CMTM4: variants seen among roughly 807,000 people sequenced by gnomAD.
CMTM4 encodes CKLF like MARVEL transmembrane domain containing 4.
A neutral mutation model predicts 19.0 loss-of-function variants in CMTM4; 8 were observed. The ratio of observed to expected loss-of-function variants is 0.42; its 90% confidence interval spans 0.25 to 0.76. The LOEUF is 0.76. Ranked by LOEUF, CMTM4 falls within the 30% of genes least tolerant of loss-of-function variation. The pLI is 0.27. For missense variants in CMTM4, 228 were observed against 290.2 expected (o/e 0.79, Z 1.56); for synonymous variants, 106 against 121.1 (o/e 0.88, Z 0.82).
chr16:66,683,109 T>TTGTGTG (rs540380218), intron 1 of CMTM4, among the ~76,000 whole-genome samples: 7 of 132,362 alleles, frequency 5.3e-5, no homozygotes, highest in African/African-American at 1.2e-4. Flanking sequence ...TAGAGTCTAG[T>TTGTGTG]TGTGTGTGTG....
chr16:66,644,199 G>C (rs558580350), intron 1 of CMTM4, among the ~76,000 whole-genome samples: 1 of 152,266 alleles, frequency 6.6e-6, no homozygotes, highest in African/African-American at 2.4e-5. Flanking sequence ...CCAACTCACT[G>C]AAACAGCATG....
At position 66,617,937 on chromosome 16, in the gene CMTM4, G is replaced by C; in HGVS notation, c.*4121C>G. ...AGAGGACAGGAAGGCAGTTAACAAA[G>C]TACACGTTTCCAAGACAGCCTGAGC... On this transcript the variant is annotated 3_prime_UTR_variant, in exon 4 of 4. Coordinates refer to ENST00000394106, the MANE Select transcript of CMTM4 (RefSeq NM_181521.3). 3.0e-6 allele frequency: 3 copies of C among 987,180 alleles called. No individual in the cohort carries two copies. Among genetic ancestry groups the C allele is most frequent in the Non-Finnish European group, 3.6e-6 (3 of 831,176 alleles). 61.2% of individuals were successfully genotyped at this position (987,180 alleles called of 1,614,324 possible).
chr16:66,683,199 A>G (rs149360435), intron 1 of CMTM4, among the ~76,000 whole-genome samples: 1,576 of 125,954 alleles, frequency 0.013, 26 homozygotes, highest in East Asian at 0.036. Context: ...ATATACATAT[A>G]TATATATATA....
intron 1 of CMTM4, among the ~76,000 whole-genome samples, chr16:66,679,849 G>T (rs111791778): frequency 1.3e-5 from 2 of 148,728 alleles, no homozygotes; most frequent in African/African-American, 2.5e-5. Flanking sequence ...AAAAAGATGA[G>T]ACCGATGAGT....
the CMTM4 span, among the ~76,000 whole-genome samples, chr16:66,603,686 G>C: frequency 6.6e-6 from 1 of 152,184 alleles, no homozygotes; most frequent in South Asian, 2.1e-4. Flanking sequence ...GTTATGTCAA[G>C]GGTGCGCAGT....
chr16:66,653,319 C>T (rs1211021251), intron 1 of CMTM4, among the ~76,000 whole-genome samples: 1 of 152,104 alleles, frequency 6.6e-6, no homozygotes, highest in East Asian at 1.9e-4. Flanking sequence ...ACATAAGAGG[C>T]CAGATGGAAG....
At chr16:66,676,204 T>C (rs2016807852) in intron 1 of CMTM4, among the ~76,000 whole-genome samples, 1 of 152,194 alleles carries the variant, frequency 6.6e-6, no homozygotes, top group Admixed American at 6.5e-5. Context: ...GTACATTCAC[T>C]TGGGCAATTG....
intron 1 of CMTM4, among the ~76,000 whole-genome samples, chr16:66,684,805 GA>G (rs1341287271): frequency 1.3e-5 from 2 of 152,148 alleles, no homozygotes; most frequent in Non-Finnish European, 2.9e-5. Context: ...CCCTGCTCTA[GA>G]GCCCTGGACC....
At chr16:66,686,426 G>A (rs2017033270) in intron 1 of CMTM4, among the ~76,000 whole-genome samples, 1 of 150,200 alleles carries the variant, frequency 6.7e-6, no homozygotes, top group African/African-American at 2.5e-5. Flanking sequence ...CCAGGCGCCT[G>A]TAATCCCAGC....
intron 1 of CMTM4, among the ~76,000 whole-genome samples, chr16:66,675,814 C>T (rs2144891473): frequency 6.6e-6 from 1 of 152,188 alleles, no homozygotes; most frequent in Non-Finnish European, 1.5e-5. Flanking sequence ...CAAGTGGGGG[C>T]CTGTTTCCCC....
In CMTM4 at chr16:66,685,772, T is replaced by C. The variant is rs146224071; in HGVS notation, c.186+10568A>G. Among the ~76,000 whole-genome samples, 1,530 of 152,260 alleles carry C rather than the reference T, an allele frequency of 0.01. 76 individuals are homozygous for C. In the East Asian group the frequency reaches 0.15, roughly 15 times the overall value. The stretch of plus-strand genomic sequence containing the variant: ...GATTCTCGTGCCTCAGCCTCCTGAG[T>C]TGCTGGGACTACAGGCATAGGCCAC... On this transcript the variant is annotated intron_variant, in intron 1 of 3. Coordinates refer to ENST00000394106, the MANE Select transcript of CMTM4 (RefSeq NM_181521.3).
At chr16:66,677,837 G>A (rs902123051) in intron 1 of CMTM4, among the ~76,000 whole-genome samples, 2 of 152,144 alleles carry the variant, frequency 1.3e-5, no homozygotes, top group African/African-American at 4.8e-5. Context: ...AAGTAGCTGG[G>A]ATTATAGGCA....
chr16:66,603,790 A>G, the CMTM4 span: 1 of 152,284 alleles, frequency 6.6e-6, no homozygotes, highest in Non-Finnish European at 1.5e-5. Flanking sequence ...AGCAGGCAGG[A>G]ATGGTTTCGG....
rs201948614 is a variant in CMTM4, at chr16:66,683,161, GTA to G, written c.186+13177_186+13178del. Among the ~76,000 whole-genome samples, 796 of 81,502 alleles carry G rather than the reference GTA, an allele frequency of 9.8e-3. 13 individuals are homozygous for G. Among genetic ancestry groups the G allele is most frequent in the Middle Eastern group, 0.022 (2 of 90 alleles). The allele number at this position is 81,502 out of a possible 152,430, so 53.5% of individuals were successfully genotyped here. A position where few individuals can be genotyped will look rare whatever the true frequency, so the allele number is the denominator to read the frequency against. On this transcript the variant is annotated intron_variant, in intron 1 of 3. Transcript: ENST00000394106. ...TATATATATATGTATATATATATAC[GTA>G]TATATATATATACATATGTATATAT...
intron 2 of CMTM4, among the ~76,000 whole-genome samples, chr16:66,632,432 T>C (rs949731682): frequency 2.0e-4 from 30 of 152,164 alleles, no homozygotes; most frequent in Non-Finnish European, 4.4e-4. Context: ...TTTTGGGGTG[T>C]TGACAATCTC....
intron 1 of CMTM4, among the ~76,000 whole-genome samples, chr16:66,678,170 C>T (rs1348988675): frequency 2.0e-5 from 3 of 152,072 alleles, no homozygotes; most frequent in Non-Finnish European, 1.5e-5. Flanking sequence ...AGTGAGGCCT[C>T]ATCTCTAAAA....
chr16:66,694,105 G>T (rs1201826970), intron 1 of CMTM4, among the ~76,000 whole-genome samples: 1 of 151,708 alleles, frequency 6.6e-6, no homozygotes, highest in African/African-American at 2.4e-5. Flanking sequence ...GAAAAGAAAA[G>T]AAAAAAAGAA....
intron 1 of CMTM4, among the ~76,000 whole-genome samples, chr16:66,665,936 A>G (rs1283963191): frequency 6.6e-6 from 1 of 150,938 alleles, no homozygotes; most frequent in African/African-American, 2.4e-5. Context: ...GCAGGGCATC[A>G]TGGCACACAC....
chr16:66,666,613 T>G (rs2016599269), intron 1 of CMTM4, among the ~76,000 whole-genome samples: 1 of 152,182 alleles, frequency 6.6e-6, no homozygotes, highest in Non-Finnish European at 1.5e-5. Context: ...CTTGAACAGG[T>G]TCTTCACCTA....
Sources: allele counts gnomAD v4.1 joint callset (sites outside exome capture counted in the v4.1 genomes callset), GRCh38; gene constraint gnomAD v4.1.1; transcripts MANE v1.5; gene names NCBI Gene and HGNC (gene_info 2026-07-23, HGNC 2026-07-21).